Variants in SYNPR observed in about 807,000 individuals in gnomAD.
SYNPR encodes synaptoporin.
In SYNPR, 23 loss-of-function variants were observed where a neutral mutation model predicts 32.9. The ratio of observed to expected loss-of-function variants is 0.70; its 90% CI spans 0.50 to 0.99. The LOEUF (loss-of-function observed/expected upper bound fraction) is 0.99. Among genes scored for constraint, SYNPR ranks in the 50% least tolerant of loss-of-function variants. The pLI, the probability that SYNPR is intolerant of heterozygous loss-of-function variation, is 0.00. For synonymous variants in SYNPR, 146 were observed against 135.9 expected (o/e 1.07, Z -0.52); for missense variants, 318 against 349.3 (o/e 0.91, Z 0.71).
At chr3:63,261,879 G>A (rs1356409404) in intron 2 of SYNPR, among the ~76,000 whole-genome samples, 2 of 151,590 alleles carry the variant, frequency 1.3e-5, no homozygotes, top group Admixed American at 1.3e-4. Context: ...GACTGTCGTG[G>A]GGTGGGGGGA....
At chr3:63,237,020 G>T (rs1194205157) in intron 1 of SYNPR, among the ~76,000 whole-genome samples, 1 of 151,984 alleles carries the variant, frequency 6.6e-6, no homozygotes, top group Admixed American at 6.6e-5. Flanking sequence ...CTTTATCAAG[G>T]CAATTCCCCT....
intron 2 of SYNPR, among the ~76,000 whole-genome samples, chr3:63,295,623 G>A (rs2106935420): frequency 6.6e-6 from 1 of 152,284 alleles, no homozygotes; most frequent in Admixed American, 6.5e-5. Context: ...TCATGAGCAG[G>A]CAGAGAGAAT....
At chr3:63,300,146 C>T (rs931677946) in intron 2 of SYNPR, among the ~76,000 whole-genome samples, 22 of 151,906 alleles carry the variant, frequency 1.4e-4, no homozygotes, top group Admixed American at 2.6e-4. Context: ...GAGCTCTTCA[C>T]GGAGAAGTTG....
At chr3:63,464,310 T>C (rs954370681) in intron 2 of SYNPR, among the ~76,000 whole-genome samples, 3 of 152,180 alleles carry the variant, frequency 2.0e-5, no homozygotes, top group African/African-American at 7.2e-5. Context: ...ACTCCCACTG[T>C]ATGGGGGTTG....
intron 4 of SYNPR, among the ~76,000 whole-genome samples, chr3:63,564,485 G>A (rs998123326): frequency 2.1e-5 from 3 of 143,500 alleles, no homozygotes; most frequent in South Asian, 2.3e-4. Flanking sequence ...GTGAGCCACC[G>A]TGCCCAGCCG....
At chr3:63,373,805 A>G (rs1304275012) in intron 2 of SYNPR, among the ~76,000 whole-genome samples, 1 of 152,186 alleles carries the variant, frequency 6.6e-6, no homozygotes, top group African/African-American at 2.4e-5. Context: ...AATGAAAGAA[A>G]AAAAAATGTT....
intron 3 of SYNPR, among the ~76,000 whole-genome samples, chr3:63,496,694 T>C (rs1014913437): frequency 2.6e-5 from 4 of 152,174 alleles, no homozygotes; most frequent in African/African-American, 9.7e-5. Context: ...ATTAATACTT[T>C]TTTACATAAT....
At chr3:63,207,039 A>G in the SYNPR span, among the ~76,000 whole-genome samples, 12 of 152,308 alleles carry the variant, frequency 7.9e-5, no homozygotes, top group Non-Finnish European at 1.8e-4. Flanking sequence ...AGAAGGAGAG[A>G]GGAAGTTTGG....
intron 2 of SYNPR, among the ~76,000 whole-genome samples, chr3:63,368,654 T>C (rs1575612711): frequency 2.0e-5 from 3 of 152,222 alleles, no homozygotes; most frequent in African/African-American, 4.8e-5. Context: ...TATAAAGCCA[T>C]GGTCATTAAG....
chr3:63,595,197 A>T (rs900562406), intron 4 of SYNPR, among the ~76,000 whole-genome samples: 9 of 152,146 alleles, frequency 5.9e-5, no homozygotes, highest in Non-Finnish European at 1.2e-4. Context: ...TCCAAAATGG[A>T]AAAGTCCTAA....
At chr3:63,591,099 C>T (rs1382356804) in intron 4 of SYNPR, among the ~76,000 whole-genome samples, 14 of 150,110 alleles carry the variant, frequency 9.3e-5, no homozygotes, top group Non-Finnish European at 1.5e-5. Flanking sequence ...TGAACTCAAA[C>T]AAATTTACGA....
chr3:63,361,463 T>C (rs2087659725), intron 2 of SYNPR, among the ~76,000 whole-genome samples: 1 of 151,956 alleles, frequency 6.6e-6, no homozygotes, highest in African/African-American at 2.4e-5. Context: ...CTGGGCATGG[T>C]GGCGGGCTCC....
At chr3:63,265,822 T>A (rs1177640725) in intron 2 of SYNPR, among the ~76,000 whole-genome samples, 1 of 152,174 alleles carries the variant, frequency 6.6e-6, no homozygotes, top group Non-Finnish European at 1.5e-5. Flanking sequence ...TTATGTTGAG[T>A]AGACATTCAA....
chr3:63,615,154 T>C, intron 5 of SYNPR, 70 bp from the exon 6 acceptor site: 1 of 1,534,328 alleles, frequency 6.5e-7, no homozygotes, highest in Non-Finnish European at 8.8e-7. Context: ...GTGAAGGATT[T>C]TTCCAAAATT....
At chr3:63,581,494 C>T (rs1430214146) in intron 4 of SYNPR, among the ~76,000 whole-genome samples, 1 of 103,242 alleles carries the variant, frequency 9.7e-6, no homozygotes, top group African/African-American at 3.1e-5. Context: ...AACACACGCA[C>T]ACATAAGAAA....
In SYNPR at chr3:63,451,969, C is replaced by T. The variant is rs925000000; in HGVS notation, c.85-28863C>T. 8 of 645,308 alleles carry T rather than the reference C, an allele frequency of 1.2e-5. No homozygotes were observed. In the African/African-American group the frequency reaches 1.3e-4, roughly 10 times the overall value. The allele number at this position is 645,308 out of a possible 1,614,324, so 40.0% of individuals were successfully genotyped here. ...CACTCTGAGTGGTATTTATAAACTC[C>T]TCAACTTCTGAGGCATTTGGAAGAC... On this transcript the variant is annotated intron_variant, in intron 2 of 5. Transcript: ENST00000478300.
chr3:63,446,446 C>G (rs72885425), intron 2 of SYNPR, among the ~76,000 whole-genome samples: 3,760 of 152,140 alleles, frequency 0.025, 126 homozygotes, highest in African/African-American at 0.073. Context: ...TTCAGAGTCC[C>G]CAAATGCATT....
At chr3:63,390,360 G>C (rs2088115597) in intron 2 of SYNPR, among the ~76,000 whole-genome samples, 1 of 152,196 alleles carries the variant, frequency 6.6e-6, no homozygotes, top group South Asian at 2.1e-4. Flanking sequence ...GAATGAATGT[G>C]AAATTCAAGT....
intron 2 of SYNPR, among the ~76,000 whole-genome samples, chr3:63,258,494 G>A (rs924459407): frequency 6.6e-6 from 1 of 152,182 alleles, no homozygotes; most frequent in Non-Finnish European, 1.5e-5. Flanking sequence ...CGAAATGAAG[G>A]CAGAAATAAA....
Sources: gnomAD v4.1 joint callset for allele counts (sites outside exome capture counted in the v4.1 genomes callset) on GRCh38, gnomAD v4.1.1 for gene constraint, MANE v1.5 for transcripts, NCBI Gene and HGNC (gene_info 2026-07-23, HGNC 2026-07-21) for gene names.